USH2A: variants seen among roughly 807,000 people sequenced by gnomAD.
USH2A encodes Usher syndrome 2A (autosomal recessive, mild).
USH2A carries 443 observed loss-of-function variants against 538.9 expected under a neutral mutation model. The observed-to-expected ratio is 0.82, with a 90% CI of 0.76 to 0.89. The LOEUF (loss-of-function observed/expected upper bound fraction) is 0.89, where lower values mean the gene tolerates loss of function less well. Ranked by LOEUF, USH2A falls within the 40% of genes least tolerant of loss-of-function variation. The pLI is 0.00. For missense variants in USH2A, 6,633 were observed against 6,324.8 expected, an observed-to-expected ratio of 1.05 and a Z score of -1.65; for synonymous variants, 2,413 against 2,273.5, an observed-to-expected ratio of 1.06 and a Z score of -1.75.
chr1:216,321,325 A>G (rs2037605182), intron 9 of USH2A, among the ~76,000 whole-genome samples: 1 of 152,178 alleles, frequency 6.6e-6, no homozygotes, highest in Non-Finnish European at 1.5e-5. Context: ...AGATGAAGCT[A>G]AAATTCCACC....
At position 215,648,876 on chromosome 1, in the gene USH2A, T is replaced by C. The variant is rs1656952034; in HGVS notation, c.14344-110A>G. The C allele has an allele frequency of 3.6e-5, 37 of 1,035,836 alleles. No individual in the cohort carries two copies. In the South Asian group the frequency reaches 4.7e-4, roughly 13 times the overall value. The allele number at this position is 1,035,836 out of a possible 1,614,324, so 64.2% of individuals were successfully genotyped here. Reference sequence around the variant, plus strand: ...AAATGGAGTACCATGCCAGGCACTCTGGGAGACACAACATGGCATTTAGCA... The same window carrying C: ...AAATGGAGTACCATGCCAGGCACTCCGGGAGACACAACATGGCATTTAGCA... On this transcript the variant is annotated intron_variant, in intron 65 of 71. Coordinates refer to ENST00000307340, the MANE Select transcript of USH2A (RefSeq NM_206933.4).
intron 9 of USH2A, among the ~76,000 whole-genome samples, chr1:216,298,838 G>A (rs1300329349): frequency 1.7e-4 from 16 of 93,584 alleles, no homozygotes; most frequent in Non-Finnish European, 6.2e-5. Context: ...GAATTTAGGA[G>A]AATACTTTTT....
chr1:216,076,903 T>C (rs17586618), intron 27 of USH2A, among the ~76,000 whole-genome samples: 4,803 of 152,260 alleles, frequency 0.032, 122 homozygotes, highest in Non-Finnish European at 0.049. Context: ...GGTCCTATGC[T>C]GGAAGTTACT....
At chr1:216,053,177 A>G (rs969673263) in intron 30 of USH2A, among the ~76,000 whole-genome samples, 1 of 152,242 alleles carries the variant, frequency 6.6e-6, no homozygotes, top group African/African-American at 2.4e-5. Flanking sequence ...AATGACATTT[A>G]TAAGATTCAG....
At chr1:216,363,995 T>G (rs970448980) in intron 4 of USH2A, among the ~76,000 whole-genome samples, 4 of 151,302 alleles carry the variant, frequency 2.6e-5, no homozygotes, top group Non-Finnish European at 5.9e-5. Context: ...ATACTTTCTA[T>G]TTCACAGAGT....
intron 44 of USH2A, among the ~76,000 whole-genome samples, chr1:215,865,988 T>C (rs1664458261): frequency 6.6e-6 from 1 of 152,192 alleles, no homozygotes; most frequent in Non-Finnish European, 1.5e-5. Context: ...AATCACATGG[T>C]TACATTGCCC....
chr1:215,851,397 A>C (rs894464402), intron 44 of USH2A, among the ~76,000 whole-genome samples: 5 of 152,184 alleles, frequency 3.3e-5, no homozygotes, highest in Non-Finnish European at 7.3e-5. Context: ...AATACAAAAG[A>C]TCATTCAAGG....
At chr1:215,741,675 A>C in intron 59 of USH2A, 138 bp from the exon 60 acceptor site, 1 of 954,264 alleles carries the variant, frequency 1.0e-6, no homozygotes, top group Non-Finnish European at 1.5e-6. Context: ...TGTGTTTTAA[A>C]TAAATTTTTA....
In USH2A at chr1:216,110,281, C is replaced by G. The variant is rs541289078; in HGVS notation, c.4628-13068G>C. Among the ~76,000 whole-genome samples, 5 of 152,198 alleles carry G rather than the reference C, an allele frequency of 3.3e-5. No individual in the cohort carries two copies. The East Asian group carries it at 9.7e-4, about 29-fold the overall frequency. ...TCCAAGGCAGGAGGATGGCTTGAAC[C>G]AAGGAGTTTGAGTACAGCCTGGGCA... On this transcript the variant is annotated intron_variant, in intron 21 of 71. Coordinates refer to ENST00000307340, the MANE Select transcript of USH2A (RefSeq NM_206933.4).
At position 215,624,293 on chromosome 1, in the gene USH2A, C is replaced by T. The variant is rs1054648197; in HGVS notation, c.*1488G>A. 1 of 152,168 alleles carries T rather than the reference C, an allele frequency of 6.6e-6. No homozygotes were observed. The highest frequency in any genetic ancestry group is 2.4e-5 in the African/African-American group (1 of 41,446). 9.4% of individuals were successfully genotyped at this position (152,168 alleles called of 1,614,324 possible). On this transcript the variant is annotated 3_prime_UTR_variant, in exon 72 of 72. Coordinates refer to ENST00000307340, the MANE Select transcript of USH2A (RefSeq NM_206933.4). Reference sequence around the variant, plus strand: ...AGGAGTTGGTCAGTCTGAGGAGCTGCTCTCTCACAGAGCTAGATGAAATCT... The same window carrying T: ...AGGAGTTGGTCAGTCTGAGGAGCTGTTCTCTCACAGAGCTAGATGAAATCT...
chr1:215,860,469 C>A (rs10864213), intron 44 of USH2A, among the ~76,000 whole-genome samples: 2 of 151,848 alleles, frequency 1.3e-5, no homozygotes, highest in East Asian at 3.9e-4. Context: ...ATTAGGTTGG[C>A]GCAAAGTAGT....
chr1:216,173,175 G>A (rs760483801), intron 21 of USH2A, among the ~76,000 whole-genome samples: 6 of 152,140 alleles, frequency 3.9e-5, no homozygotes, highest in Non-Finnish European at 8.8e-5. Flanking sequence ...AAGTTATTGA[G>A]TTGGTTTTGA....
At chr1:215,929,479 G>A (rs1666311825) in intron 38 of USH2A, among the ~76,000 whole-genome samples, 1 of 152,074 alleles carries the variant, frequency 6.6e-6, no homozygotes, top group Non-Finnish European at 1.5e-5. Flanking sequence ...TAAGGGGTAA[G>A]TGTAGGAAAG....
At chr1:215,856,514 G>A (rs1664170503) in intron 44 of USH2A, among the ~76,000 whole-genome samples, 1 of 152,108 alleles carries the variant, frequency 6.6e-6, no homozygotes, top group South Asian at 2.1e-4. Flanking sequence ...TCTTACTCCT[G>A]CAAGAATGGC....
intron 3 of USH2A, among the ~76,000 whole-genome samples, chr1:216,381,689 C>T (rs867639417): frequency 7.9e-5 from 12 of 152,154 alleles, no homozygotes; most frequent in African/African-American, 1.2e-4. Flanking sequence ...TGAAATGCAG[C>T]GGTCTCATTA....
chr1:216,072,506 G>A (rs1008869654), intron 29 of USH2A: 4 of 297,072 alleles, frequency 1.3e-5, no homozygotes, highest in Non-Finnish European at 1.9e-5. Flanking sequence ...AAGTCAAGAA[G>A]GTGCCACTCC....
intron 35 of USH2A, among the ~76,000 whole-genome samples, chr1:215,982,146 A>C (rs1667766857): frequency 6.6e-6 from 1 of 152,202 alleles, no homozygotes; most frequent in Admixed American, 6.5e-5. Context: ...TGTCATGACC[A>C]CGTACCTTTA....
At chr1:216,151,842 C>G (rs1314406978) in intron 21 of USH2A, among the ~76,000 whole-genome samples, 2 of 152,216 alleles carry the variant, frequency 1.3e-5, no homozygotes, top group Non-Finnish European at 2.9e-5. Context: ...CTTGGGCACT[C>G]TCTAATTGGA....
chr1:216,333,172 G>A (rs1290418653), intron 4 of USH2A, among the ~76,000 whole-genome samples: 1 of 151,944 alleles, frequency 6.6e-6, no homozygotes, highest in African/African-American at 2.4e-5. Context: ...AGCCAGGCAT[G>A]GTGGCTCATG....
Sources: allele counts gnomAD v4.1 joint callset (sites outside exome capture counted in the v4.1 genomes callset), GRCh38; gene constraint gnomAD v4.1.1; transcripts MANE v1.5; gene names NCBI Gene and HGNC (gene_info 2026-07-23, HGNC 2026-07-21).